IFT88: variants seen among roughly 807,000 people sequenced by gnomAD.
IFT88 encodes the protein intraflagellar transport 88.
IFT88 carries 74 observed loss-of-function variants against 119.5 expected under a neutral mutation model. The observed-to-expected ratio is 0.62, with a 90% CI of 0.51 to 0.75. The LOEUF is 0.75. IFT88 is among the 30% of genes least tolerant of loss of function. IFT88 has a pLI of 0.00. For synonymous variants in IFT88, 279 were observed against 316.7 expected, an observed-to-expected ratio of 0.88 and a Z score of 1.26; for missense variants, 961 against 977.7, an observed-to-expected ratio of 0.98 and a Z score of 0.23.
chr13:20,664,917 A>G (rs1310656846), intron 23 of IFT88, among the ~76,000 whole-genome samples: 3 of 152,092 alleles, frequency 2.0e-5, no homozygotes, highest in African/African-American at 7.2e-5. Flanking sequence ...GTCTCTACTA[A>G]AAATACAAAA....
chr13:20,687,150 G>A (rs914882607), intron 24 of IFT88, among the ~76,000 whole-genome samples: 13 of 151,828 alleles, frequency 8.6e-5, no homozygotes, highest in Admixed American at 1.3e-4. Context: ...GGATGTAGTC[G>A]GCCACCAACT....
rs149025925 is a variant in IFT88, at chr13:20,636,056, C to T, written c.1387-2276C>T. Reference sequence around the variant, plus strand: ...AACTAGCAACAGTCAGCACAACTCCCCTAAAAACTTGGAGGGTTTTCTCTA... The same window carrying T: ...AACTAGCAACAGTCAGCACAACTCCTCTAAAAACTTGGAGGGTTTTCTCTA... On this transcript the variant is annotated intron_variant, in intron 16 of 25. Transcript: ENST00000351808. Among the ~76,000 whole-genome samples, 194 of 152,276 alleles carry T rather than the reference C, an allele frequency of 1.3e-3. 1 individual carries two copies. The highest frequency in any genetic ancestry group is 2.2e-3 in the Non-Finnish European group (149 of 68,018).
Position 20,598,638 on chromosome 13 carries a change from T to G in IFT88, c.595-13T>G, listed in dbSNP as rs1328681283. ...GGTCTTATGTGTCTTTTCTATAATA[T>G]TTTCTTCCTTAGGTTCTTTTCAATT... On this transcript the variant is annotated splice_polypyrimidine_tract_variant and intron_variant, in intron 9 of 25. Coordinates refer to ENST00000351808, the MANE Select transcript of IFT88 (RefSeq NM_006531.5). The G allele has an allele frequency of 6.4e-7, 1 of 1,559,306 alleles. No individual in the cohort carries two copies. The highest frequency in any genetic ancestry group is 8.8e-7 in the Non-Finnish European group (1 of 1,131,788).
At chr13:20,587,713 A>G (rs984294087) in intron 3 of IFT88, among the ~76,000 whole-genome samples, 1 of 152,170 alleles carries the variant, frequency 6.6e-6, no homozygotes, top group Non-Finnish European at 1.5e-5. Flanking sequence ...GTTATGAAGT[A>G]TGCCTCTATC....
intron 20 of IFT88, among the ~76,000 whole-genome samples, chr13:20,647,112 A>G (rs2050876434): frequency 6.6e-6 from 1 of 152,164 alleles, no homozygotes; most frequent in Non-Finnish European, 1.5e-5. Flanking sequence ...GGTTTCCCAG[A>G]ATATAGAAGC....
chr13:20,607,911 C>T (rs539270925), intron 13 of IFT88: 22 of 679,344 alleles, frequency 3.2e-5, no homozygotes, highest in African/African-American at 2.1e-4. Flanking sequence ...CTGCCATCCT[C>T]GGGGTCTTCC....
At chr13:20,628,097 T>C (rs2047637650) in intron 15 of IFT88, among the ~76,000 whole-genome samples, 1 of 152,200 alleles carries the variant, frequency 6.6e-6, no homozygotes, top group African/African-American at 2.4e-5. Flanking sequence ...TTGACGTATC[T>C]CATAATAATC....
At chr13:20,675,797 T>G (rs961557013) in intron 24 of IFT88, among the ~76,000 whole-genome samples, 4 of 152,256 alleles carry the variant, frequency 2.6e-5, no homozygotes, top group African/African-American at 9.6e-5. Context: ...AATATTATTA[T>G]TGTTTGCTTT....
intron 25 of IFT88, 77 bp downstream of exon 25, chr13:20,690,892 G>T (rs977131070): frequency 3.0e-5 from 41 of 1,388,050 alleles, no homozygotes; most frequent in Non-Finnish European, 4.1e-5. Context: ...AGGTGTTGCT[G>T]GGAATTCTTA....
At chr13:20,667,008 G>A (rs7981691) in intron 23 of IFT88, among the ~76,000 whole-genome samples, 150,607 of 152,346 alleles carry the variant, frequency 0.99, 74,465 homozygotes, top group East Asian at 1. Context: ...CCACTTCGCA[G>A]AATAACATGG....
intron 23 of IFT88, among the ~76,000 whole-genome samples, chr13:20,667,114 A>G (rs928072231): frequency 3.9e-5 from 6 of 152,200 alleles, no homozygotes; most frequent in Non-Finnish European, 5.9e-5. Context: ...TTGAAGTGAT[A>G]AGAATCATTT....
chr13:20,602,022 C>T (rs544167201), intron 12 of IFT88, 89 bp downstream of exon 12: 85 of 730,372 alleles, frequency 1.2e-4, no homozygotes, highest in Middle Eastern at 7.5e-4. Context: ...TAGATGACTT[C>T]TTGGGTTTTT....
At chr13:20,615,062 G>A (rs954384854) in intron 13 of IFT88, among the ~76,000 whole-genome samples, 1 of 152,080 alleles carries the variant, frequency 6.6e-6, no homozygotes, top group East Asian at 1.9e-4. Context: ...TGATCCACCT[G>A]CCTTGGCCTC....
At chr13:20,621,600 GA>G (rs895311549) in intron 14 of IFT88, among the ~76,000 whole-genome samples, 7 of 138,140 alleles carry the variant, frequency 5.1e-5, no homozygotes, top group African/African-American at 2.0e-4. Flanking sequence ...TTTTTTTTTA[GA>G]ACAGTTTTAG....
At chr13:20,637,677 A>G (rs1039344598) in intron 16 of IFT88, among the ~76,000 whole-genome samples, 9 of 152,322 alleles carry the variant, frequency 5.9e-5, no homozygotes, top group Admixed American at 3.9e-4. Flanking sequence ...ATGACAAGAA[A>G]AAGGCTTTCT....
chr13:20,689,965 A>C (rs939263583), intron 24 of IFT88, among the ~76,000 whole-genome samples: 1 of 152,332 alleles, frequency 6.6e-6, no homozygotes, highest in South Asian at 2.1e-4. Context: ...TTTTCCCGTA[A>C]CATCAGTGGT....
intron 3 of IFT88, among the ~76,000 whole-genome samples, chr13:20,588,683 T>A (rs570171770): frequency 5.6e-4 from 85 of 152,346 alleles, no homozygotes; most frequent in Non-Finnish European, 1.0e-3. Flanking sequence ...ATAGAACTTT[T>A]ACATCACTAC....
chr13:20,587,770 T>C (rs991026477), intron 3 of IFT88, among the ~76,000 whole-genome samples: 2 of 152,198 alleles, frequency 1.3e-5, no homozygotes, highest in African/African-American at 4.8e-5. Context: ...TATGTTGTTA[T>C]AGCTATACAA....
intron 2 of IFT88, among the ~76,000 whole-genome samples, chr13:20,575,174 T>C (rs1485954748): frequency 6.6e-6 from 1 of 152,148 alleles, no homozygotes; most frequent in African/African-American, 2.4e-5. Flanking sequence ...TCAGTTGTTT[T>C]AATTTTTAGA....
Sources: gnomAD v4.1 joint callset for allele counts (sites outside exome capture counted in the v4.1 genomes callset) on GRCh38, gnomAD v4.1.1 for gene constraint, MANE v1.5 for transcripts, NCBI Gene and HGNC (gene_info 2026-07-23, HGNC 2026-07-21) for gene names.